Variants in TNNI3K observed in about 807,000 individuals in gnomAD.
The protein encoded by TNNI3K is TNNI3 interacting kinase, also known as serine/threonine-protein kinase TNNI3K.
A neutral mutation model predicts 114.5 loss-of-function variants in TNNI3K; 140 were observed. The observed-to-expected ratio is 1.22, with a 90% CI of 1.07 to 1.41. TNNI3K has a LOEUF of 1.41. Ranked by LOEUF, TNNI3K falls within the 40% of genes most tolerant of loss-of-function variation. TNNI3K has a pLI of 0.00. For missense variants in TNNI3K, 1,125 were observed against 1,007.6 expected (o/e 1.12, Z -1.58); for synonymous variants, 347 against 347.5 (o/e 1.00, Z 0.02).
intron 23 of TNNI3K, among the ~76,000 whole-genome samples, chr1:74,524,671 G>GCAAATAA (rs1646479302): frequency 6.6e-6 from 1 of 151,324 alleles, no homozygotes; most frequent in Non-Finnish European, 1.5e-5. Context: ...AGATACAGCA[G>GCAAATAA]CAAATAAAAC....
chr1:74,274,602 A>C (rs986205523), intron 5 of TNNI3K, among the ~76,000 whole-genome samples: 5 of 152,022 alleles, frequency 3.3e-5, no homozygotes, highest in Non-Finnish European at 5.9e-5. Flanking sequence ...TGCAGAAAAA[A>C]TATATAAGCA....
At chr1:74,246,520 G>C (rs1264466461) in intron 2 of TNNI3K, among the ~76,000 whole-genome samples, 3 of 152,118 alleles carry the variant, frequency 2.0e-5, no homozygotes, top group African/African-American at 7.2e-5. Flanking sequence ...GAGCTGCTTC[G>C]GCTTTTCTTC....
At chr1:74,245,577 G>A (rs1654500474) in intron 2 of TNNI3K, among the ~76,000 whole-genome samples, 1 of 152,140 alleles carries the variant, frequency 6.6e-6, no homozygotes, top group African/African-American at 2.4e-5. Context: ...GTGAGCCAAA[G>A]TTTCATATCA....
chr1:74,473,050 T>C (rs945538219), intron 21 of TNNI3K, among the ~76,000 whole-genome samples: 3 of 152,138 alleles, frequency 2.0e-5, no homozygotes, highest in African/African-American at 7.2e-5. Context: ...TTGTACTGGC[T>C]TCTTCTTAAT....
chr1:74,317,719 C>T (rs1659390122), intron 5 of TNNI3K, among the ~76,000 whole-genome samples: 2 of 152,154 alleles, frequency 1.3e-5, no homozygotes, highest in South Asian at 4.1e-4. Context: ...ATTAAGTCAA[C>T]CCTCTTTTAT....
intron 17 of TNNI3K, chr1:74,372,015 A>C (rs1662632739): frequency 6.6e-6 from 1 of 151,244 alleles, no homozygotes; most frequent in Non-Finnish European, 1.5e-5. Context: ...AAGCTTGAGG[A>C]TCATTACCCA....
chr1:74,284,603 A>G (rs556190959), intron 5 of TNNI3K, among the ~76,000 whole-genome samples: 3 of 152,244 alleles, frequency 2.0e-5, no homozygotes, highest in African/African-American at 7.2e-5. Context: ...AAAACCTTCT[A>G]AAGTCACTCT....
intron 2 of TNNI3K, chr1:74,239,880 G>A: frequency 2.2e-6 from 1 of 459,122 alleles, no homozygotes; most frequent in South Asian, 1.6e-5. Flanking sequence ...TGGGAGAGAG[G>A]GGAAATGGAA....
chr1:74,385,049 G>A (rs1255033548), intron 17 of TNNI3K, among the ~76,000 whole-genome samples: 1 of 151,882 alleles, frequency 6.6e-6, no homozygotes, highest in Non-Finnish European at 1.5e-5. Context: ...CCTCCTAATT[G>A]ATCAGAATTA....
At chr1:74,495,825 C>A (rs143682565) in intron 23 of TNNI3K, among the ~76,000 whole-genome samples, 1 of 152,240 alleles carries the variant, frequency 6.6e-6, no homozygotes, top group African/African-American at 2.4e-5. Flanking sequence ...CTTCCAGTTT[C>A]TCCTGGAAGT....
intron 4 of TNNI3K, among the ~76,000 whole-genome samples, chr1:74,257,557 C>T (rs915429557): frequency 1.3e-5 from 2 of 149,964 alleles, no homozygotes; most frequent in South Asian, 2.1e-4. Context: ...TCATTTTTGG[C>T]GGGTAGTTAC....
chr1:74,433,301 C>G (rs1179319889), intron 17 of TNNI3K, among the ~76,000 whole-genome samples: 1 of 152,090 alleles, frequency 6.6e-6, no homozygotes, highest in Non-Finnish European at 1.5e-5. Flanking sequence ...GGCTTTGACT[C>G]TGGGTGTGAT....
rs183224073 is a variant in TNNI3K at position 74,544,065 on chromosome 1, A to G, written c.*83A>G. ...AACCACGGCAAGCTGGCTTCCAACT[A>G]TAACATTTTACTCTCAAAGGTCTCC... On this transcript the variant is annotated 3_prime_UTR_variant, in exon 25 of 25. Coordinates refer to ENST00000326637, the MANE Select transcript of TNNI3K (RefSeq NM_015978.3). 4 of 1,469,390 alleles carry G rather than the reference A, an allele frequency of 2.7e-6. No homozygotes were observed. Among genetic ancestry groups the G allele is most frequent in the South Asian group, 1.3e-5 (1 of 78,468 alleles). 91.0% of individuals were successfully genotyped at this position (1,469,390 alleles called of 1,614,324 possible).
At chr1:74,520,484 CATCT>C (rs767612872) in intron 23 of TNNI3K, among the ~76,000 whole-genome samples, 3 of 151,886 alleles carry the variant, frequency 2.0e-5, no homozygotes, top group African/African-American at 4.8e-5. Flanking sequence ...CCCATCCATC[CATCT>C]GTTTCCCTGT....
intron 23 of TNNI3K, among the ~76,000 whole-genome samples, chr1:74,510,462 C>T (rs767975041): frequency 6.6e-5 from 10 of 151,994 alleles, no homozygotes; most frequent in Admixed American, 6.6e-5. Flanking sequence ...GAGCCGACAT[C>T]GCGCCACTGC....
At chr1:74,425,630 G>A (rs1240265548) in intron 17 of TNNI3K, among the ~76,000 whole-genome samples, 2 of 152,090 alleles carry the variant, frequency 1.3e-5, no homozygotes, top group African/African-American at 4.8e-5. Context: ...CCCTGGCATG[G>A]TTCTTGCTTC....
chr1:74,500,687 A>T (rs866727859), intron 23 of TNNI3K, among the ~76,000 whole-genome samples: 8 of 149,020 alleles, frequency 5.4e-5, no homozygotes, highest in Middle Eastern at 3.3e-3. Flanking sequence ...TGTTGGAAGT[A>T]AACAAATGAA....
Position 74,343,072 on chromosome 1 carries a change from T to C in TNNI3K, c.828-3T>C. On this transcript the variant is annotated splice_region_variant and splice_polypyrimidine_tract_variant and intron_variant, in intron 8 of 24. Coordinates refer to ENST00000326637, the MANE Select transcript of TNNI3K (RefSeq NM_015978.3). ...ATTAACAAGATATTTTCTTCAAATC[T>C]AGGGCATGCTACAATGGCAAATTTG... The C allele has an allele frequency of 6.2e-7, 1 of 1,613,228 alleles. No individual in the cohort carries two copies.
intron 20 of TNNI3K, 29 bp downstream of exon 20, chr1:74,439,651 T>C (rs1204023555): frequency 6.2e-7 from 1 of 1,609,836 alleles, no homozygotes; most frequent in Non-Finnish European, 8.5e-7. Flanking sequence ...GAAGTTTTCC[T>C]GTTTTACAGA....
Sources: gnomAD v4.1 joint callset for allele counts (sites outside exome capture counted in the v4.1 genomes callset) on GRCh38, gnomAD v4.1.1 for gene constraint, MANE v1.5 for transcripts, NCBI Gene and HGNC (gene_info 2026-07-23, HGNC 2026-07-21) for gene names.